NALF1: variants seen among roughly 807,000 people sequenced by gnomAD.
NALF1 encodes the protein family with sequence similarity 155 member A.
A neutral mutation model predicts 48.4 loss-of-function variants in NALF1; 3 were observed. The observed-to-expected ratio is 0.06, with a 90% CI of 0.03 to 0.16. NALF1 has a LOEUF of 0.16. Among genes scored for constraint, NALF1 ranks in the 10% least tolerant of loss-of-function variants. The probability of loss-of-function intolerance (pLI) is 1.00; values close to 1 mark genes in which losing one functional copy is unlikely to be tolerated. For synonymous variants in NALF1, 262 were observed against 245.7 expected (o/e 1.07, Z -0.62); for missense variants, 526 against 571.5 (o/e 0.92, Z 0.81).
In NALF1 at chr13:107,542,790, A is replaced by T. The variant is rs187145679; in HGVS notation, c.915+322892T>A. 1.4e-3 allele frequency among the ~76,000 whole-genome samples: 218 copies of T among 152,268 alleles called. 1 individual carries two copies. The highest frequency in any genetic ancestry group is 4.6e-3 in the African/African-American group (190 of 41,584). ...AAGTAAATTTGAATTCTTAGCTTCAAATTTTTCTTAGAAAATCTATTAACA... is the reference window on the plus strand; with the variant it reads ...AAGTAAATTTGAATTCTTAGCTTCATATTTTTCTTAGAAAATCTATTAACA... On this transcript the variant is annotated intron_variant, in intron 1 of 2. Coordinates refer to ENST00000375915, the MANE Select transcript of NALF1 (RefSeq NM_001080396.3).
chr13:107,700,489 C>G (rs769081158), intron 1 of NALF1, among the ~76,000 whole-genome samples: 1 of 151,906 alleles, frequency 6.6e-6, no homozygotes, highest in East Asian at 1.9e-4. Context: ...AAAATCGACT[C>G]TAAATGAATA....
intron 1 of NALF1, among the ~76,000 whole-genome samples, chr13:107,767,627 T>C (rs1288672903): frequency 1.3e-5 from 2 of 152,170 alleles, no homozygotes; most frequent in Non-Finnish European, 2.9e-5. Context: ...TTTCATGGGA[T>C]AGTATAAAAG....
chr13:107,511,321 ATTG>A (rs1355586147), intron 1 of NALF1, among the ~76,000 whole-genome samples: 1 of 152,154 alleles, frequency 6.6e-6, no homozygotes, highest in East Asian at 1.9e-4. Flanking sequence ...ATGACATGTG[ATTG>A]GGGTCACTAG....
chr13:107,219,465 T>C (rs1879946036), intron 1 of NALF1, among the ~76,000 whole-genome samples: 1 of 152,184 alleles, frequency 6.6e-6, no homozygotes, highest in Admixed American at 6.5e-5. Flanking sequence ...ATCAGTCTTC[T>C]AAAGAAAGGG....
intron 1 of NALF1, among the ~76,000 whole-genome samples, chr13:107,261,659 G>C (rs887451228): frequency 5.3e-5 from 8 of 152,070 alleles, no homozygotes; most frequent in African/African-American, 1.9e-4. Context: ...TTATCATCTG[G>C]GGGTAGGCAG....
chr13:107,266,532 C>T (rs1292460121), intron 1 of NALF1, among the ~76,000 whole-genome samples: 2 of 152,064 alleles, frequency 1.3e-5, no homozygotes, highest in Non-Finnish European at 2.9e-5. Context: ...TTGTTTTTGG[C>T]CTTCATTCTG....
At chr13:107,420,085 A>G (rs1375935276) in intron 1 of NALF1, among the ~76,000 whole-genome samples, 1 of 152,232 alleles carries the variant, frequency 6.6e-6, no homozygotes, top group Non-Finnish European at 1.5e-5. Flanking sequence ...TTATTAGGAC[A>G]CTATGGCTAC....
intron 1 of NALF1, among the ~76,000 whole-genome samples, chr13:107,265,040 T>C (rs1469624824): frequency 6.6e-6 from 1 of 152,248 alleles, no homozygotes; most frequent in Non-Finnish European, 1.5e-5. Flanking sequence ...TTGAAAAATG[T>C]AGTCAAACAC....
At chr13:107,583,820 C>T (rs772432779) in intron 1 of NALF1, among the ~76,000 whole-genome samples, 1 of 152,100 alleles carries the variant, frequency 6.6e-6, no homozygotes, top group Non-Finnish European at 1.5e-5. Context: ...TAGCAAAATA[C>T]CCTGTAACCT....
intron 1 of NALF1, among the ~76,000 whole-genome samples, chr13:107,441,857 G>A (rs1884565097): frequency 6.6e-6 from 1 of 152,108 alleles, no homozygotes; most frequent in Non-Finnish European, 1.5e-5. Flanking sequence ...AAAATCCGTA[G>A]GTTTGATCAT....
chr13:107,758,294 G>A (rs1310938440), intron 1 of NALF1, among the ~76,000 whole-genome samples: 2 of 152,170 alleles, frequency 1.3e-5, no homozygotes, highest in Non-Finnish European at 2.9e-5. Context: ...TGGAATAAAT[G>A]TTTATCCATG....
intron 1 of NALF1, among the ~76,000 whole-genome samples, chr13:107,821,120 C>T (rs1282577083): frequency 6.6e-6 from 1 of 151,832 alleles, no homozygotes; most frequent in Non-Finnish European, 1.5e-5. Flanking sequence ...GAAAGTATTT[C>T]AGTGCTTAAG....
chr13:107,416,425 A>G (rs1403830124), intron 1 of NALF1, among the ~76,000 whole-genome samples: 4 of 151,950 alleles, frequency 2.6e-5, no homozygotes, highest in Non-Finnish European at 5.9e-5. Context: ...CAGCAAAACC[A>G]GCCCCTCCTC....
chr13:107,427,432 CTGTT>C (rs1178309003), intron 1 of NALF1, among the ~76,000 whole-genome samples: 3 of 147,904 alleles, frequency 2.0e-5, no homozygotes, highest in African/African-American at 7.6e-5. Flanking sequence ...GTCATTTTGA[CTGTT>C]TGGAAGAATT....
chr13:107,376,524 T>C (rs1196585957), intron 1 of NALF1, among the ~76,000 whole-genome samples: 2 of 152,156 alleles, frequency 1.3e-5, no homozygotes, highest in African/African-American at 4.8e-5. Context: ...CTGCTTTCAA[T>C]TAAAATTATG....
rs912144745 is a variant in NALF1 at position 107,178,050 on chromosome 13, A to G, written c.1088-7264T>C. Among the ~76,000 whole-genome samples the G allele has an allele frequency of 1.7e-4, 26 of 152,188 alleles. 1 individual carries two copies. The highest frequency in any genetic ancestry group is 1.5e-5 in the Non-Finnish European group (1 of 68,028). ...CGACAGAGCAAGACTGTCTCAAAAA[A>G]AAAAAGATGACTTAAAGACTTAAAT... is the stretch of plus-strand genomic sequence containing the variant. On this transcript the variant is annotated intron_variant, in intron 2 of 2. Coordinates refer to ENST00000375915, the MANE Select transcript of NALF1 (RefSeq NM_001080396.3).
intron 1 of NALF1, among the ~76,000 whole-genome samples, chr13:107,726,330 C>CTCT (rs1876149384): frequency 6.6e-6 from 1 of 152,084 alleles, no homozygotes; most frequent in Non-Finnish European, 1.5e-5. Flanking sequence ...ATTTCAGCAT[C>CTCT]TCTTCTCATT....
intron 1 of NALF1, among the ~76,000 whole-genome samples, chr13:107,480,913 T>C (rs971149453): frequency 3.3e-5 from 5 of 152,166 alleles, no homozygotes; most frequent in Non-Finnish European, 7.3e-5. Flanking sequence ...CTCATATCAT[T>C]TGGCTAATAC....
chr13:107,355,912 C>G (rs1882955041), intron 1 of NALF1, among the ~76,000 whole-genome samples: 1 of 152,154 alleles, frequency 6.6e-6, no homozygotes, highest in Non-Finnish European at 1.5e-5. Context: ...GACATCTGTT[C>G]TCAAGCAGGG....
Sources: allele counts gnomAD v4.1 joint callset (sites outside exome capture counted in the v4.1 genomes callset), GRCh38; gene constraint gnomAD v4.1.1; transcripts MANE v1.5; gene names NCBI Gene and HGNC (gene_info 2026-07-23, HGNC 2026-07-21).